STK3: variants seen among roughly 807,000 people sequenced by gnomAD.
STK3 encodes the protein serine/threonine kinase 3.
A neutral mutation model predicts 58.0 loss-of-function variants in STK3; 41 were observed. The ratio of observed to expected loss-of-function variants is 0.71; its 90% CI spans 0.55 to 0.92. The LOEUF is 0.92. Among genes scored for constraint, STK3 ranks in the 40% least tolerant of loss-of-function variants. STK3 has a pLI of 0.00. For missense variants in STK3, 479 were observed against 602.7 expected, an observed-to-expected ratio of 0.79 and a Z score of 2.15; for synonymous variants, 170 against 191.0, an observed-to-expected ratio of 0.89 and a Z score of 0.91.
chr8:98,891,466 G>T (rs914964422), intron 1 of STK3, among the ~76,000 whole-genome samples: 1 of 152,098 alleles, frequency 6.6e-6, no homozygotes, highest in Non-Finnish European at 1.5e-5. Context: ...ATGATTTCTA[G>T]GTAGATTCCT....
intron 3 of STK3, among the ~76,000 whole-genome samples, chr8:98,860,952 G>A (rs1013134248): frequency 6.6e-6 from 1 of 152,026 alleles, no homozygotes; most frequent in Non-Finnish European, 1.5e-5. Context: ...CCTGGCTACT[G>A]GGGAGGCTGA....
chr8:98,443,894 G>A (rs1175229389), intron 1 of STK3, among the ~76,000 whole-genome samples: 1 of 152,054 alleles, frequency 6.6e-6, no homozygotes, highest in Non-Finnish European at 1.5e-5. Flanking sequence ...ATCAAACCAG[G>A]GCGACAGAGC....
chr8:98,444,893 G>A (rs1308762907), intron 1 of STK3, among the ~76,000 whole-genome samples: 1 of 152,156 alleles, frequency 6.6e-6, no homozygotes. Flanking sequence ...TTTACTCTGA[G>A]AATAGTGATA....
At chr8:98,387,817 G>T (rs1421160887) in intron 1 of STK3, among the ~76,000 whole-genome samples, 1 of 150,396 alleles carries the variant, frequency 6.6e-6, no homozygotes, top group Non-Finnish European at 1.5e-5. Flanking sequence ...GGCCCAGATT[G>T]TTGTCTCTAA....
chr8:98,521,030 CTTTATTCATCTCTTA>C (rs959575487), intron 10 of STK3, among the ~76,000 whole-genome samples: 23 of 152,244 alleles, frequency 1.5e-4, no homozygotes, highest in African/African-American at 5.1e-4. Flanking sequence ...GCAATGCTTC[CTTTATTCATCTCTTA>C]TTTATTTCCA....
intron 2 of STK3, among the ~76,000 whole-genome samples, chr8:98,435,768 G>A (rs969720156): frequency 1.3e-5 from 2 of 152,166 alleles, no homozygotes; most frequent in African/African-American, 2.4e-5. Context: ...GGGATACACA[G>A]AGCGGGTGTG....
At chr8:98,589,685 C>A (rs4574821) in intron 7 of STK3, among the ~76,000 whole-genome samples, 4,516 of 152,310 alleles carry the variant, frequency 0.03, 97 homozygotes, top group South Asian at 0.06. Flanking sequence ...TGGCGGGCGC[C>A]CCTCCCCCAG....
intron 6 of STK3, among the ~76,000 whole-genome samples, chr8:98,690,172 T>C (rs191459988): frequency 3.2e-4 from 49 of 152,238 alleles, no homozygotes; most frequent in African/African-American, 9.9e-4. Flanking sequence ...CTATCCATTA[T>C]GTCACTGGAA....
chr8:98,604,237 A>G (rs922933526), intron 6 of STK3, among the ~76,000 whole-genome samples: 4 of 152,202 alleles, frequency 2.6e-5, no homozygotes, highest in Admixed American at 6.5e-5. Flanking sequence ...GCCTAGTGAG[A>G]TATGTGTTAG....
chr8:98,632,432 T>C (rs969675780), intron 6 of STK3, among the ~76,000 whole-genome samples: 20 of 152,312 alleles, frequency 1.3e-4, no homozygotes, highest in African/African-American at 4.8e-4. Flanking sequence ...ACATCCATAT[T>C]AAACTCAGCT....
At chr8:98,410,150 G>T (rs188846661) in intron 3 of STK3, among the ~76,000 whole-genome samples, 17 of 152,072 alleles carry the variant, frequency 1.1e-4, no homozygotes, top group African/African-American at 4.1e-4. Flanking sequence ...GGCTAAAATC[G>T]GTTTGGAAGA....
chr8:98,867,805 A>C (rs1184219364), intron 3 of STK3, among the ~76,000 whole-genome samples: 1 of 152,252 alleles, frequency 6.6e-6, no homozygotes, highest in Non-Finnish European at 1.5e-5. Context: ...GTTATTACAA[A>C]GCTTAAATGA....
intron 8 of STK3, among the ~76,000 whole-genome samples, chr8:98,574,205 A>G (rs1813204950): frequency 6.6e-6 from 1 of 152,178 alleles, no homozygotes; most frequent in South Asian, 2.1e-4. Flanking sequence ...AGCATGTAAG[A>G]TGTTGCCTGG....
intron 6 of STK3, among the ~76,000 whole-genome samples, chr8:98,633,293 T>G (rs950771941): frequency 1.3e-5 from 2 of 152,230 alleles, no homozygotes; most frequent in African/African-American, 4.8e-5. Flanking sequence ...TAAAGATGTA[T>G]GCAGAGCCCA....
chr8:98,676,423 A>G (rs1823214277), intron 6 of STK3, among the ~76,000 whole-genome samples: 1 of 152,166 alleles, frequency 6.6e-6, no homozygotes, highest in Admixed American at 6.5e-5. Flanking sequence ...ATCCAGCCCA[A>G]TCAACATGGT....
rs867136107 is a variant in STK3, at chr8:98,800,743, C to T, written c.26+24772G>A. Among the ~76,000 whole-genome samples, 3 of 152,208 alleles carry T rather than the reference C, an allele frequency of 2.0e-5. No homozygotes were observed. The highest frequency in any genetic ancestry group is 4.8e-5 in the African/African-American group (2 of 41,450). On this transcript the variant is annotated intron_variant, in intron 1 of 10. Transcript: ENST00000419617. The surrounding 1 kb of genome is among the most constrained non-coding windows in gnomAD (Gnocchi z 4.8). ...GGCTTAGCACCCGGGCCAGCAGCTG[C>T]GGAAGGGGCACCGGGTACCCCAGCA...
intron 1 of STK3, among the ~76,000 whole-genome samples, chr8:98,446,682 T>C (rs762260015): frequency 3.9e-5 from 6 of 152,088 alleles, no homozygotes; most frequent in African/African-American, 7.2e-5. Context: ...AGTTCAACCA[T>C]TGTGGAAAGA....
chr8:98,460,542 C>G (rs1438106668), intron 10 of STK3, among the ~76,000 whole-genome samples: 2 of 152,048 alleles, frequency 1.3e-5, no homozygotes, highest in African/African-American at 4.8e-5. Flanking sequence ...TGGGAGGAGC[C>G]AGGGGCAGAA....
intron 1 of STK3, among the ~76,000 whole-genome samples, chr8:98,789,756 A>G (rs2442012): frequency 0.68 from 102,754 of 151,982 alleles, 35,194 homozygotes; most frequent in South Asian, 0.76. Flanking sequence ...GATTGAAATG[A>G]TAATTTAAAA....
Sources: gnomAD v4.1 joint callset for allele counts (sites outside exome capture counted in the v4.1 genomes callset) on GRCh38, gnomAD v4.1.1 for gene constraint, Gnocchi (gnomAD v3.1) non-coding constraint, MANE v1.5 for transcripts, NCBI Gene and HGNC (gene_info 2026-07-23, HGNC 2026-07-21) for gene names.